The following CDYL2 variants were observed in gnomAD, a reference collection of about 807,000 sequenced individuals.
CDYL2 encodes chromodomain Y-like protein 2.
CDYL2 carries 23 observed loss-of-function variants against 49.4 expected under a neutral mutation model. That is an observed-to-expected ratio of 0.47 (90% CI 0.34 to 0.66). The LOEUF is 0.66. Among genes scored for constraint, CDYL2 ranks in the 30% least tolerant of loss-of-function variants. The pLI is 0.01. For missense variants in CDYL2, 678 were observed against 656.4 expected, an observed-to-expected ratio of 1.03 and a Z score of -0.36; for synonymous variants, 360 against 268.8, an observed-to-expected ratio of 1.34 and a Z score of -3.32.
chr16:80,725,285 TTCCCTGACA>T (rs776324110), intron 1 of CDYL2, among the ~76,000 whole-genome samples: 1 of 152,206 alleles, frequency 6.6e-6, no homozygotes, highest in Non-Finnish European at 1.5e-5. Context: ...TTGGAGCATC[TTCCCTGACA>T]TCCCTGACAT....
chr16:80,768,847 G>C (rs1428387438), intron 1 of CDYL2, among the ~76,000 whole-genome samples: 1 of 152,138 alleles, frequency 6.6e-6, no homozygotes, highest in East Asian at 1.9e-4. Flanking sequence ...ATTTGTAAAA[G>C]ATGCTTTAGG....
chr16:80,762,858 G>A (rs546166584), intron 1 of CDYL2, among the ~76,000 whole-genome samples: 1 of 152,258 alleles, frequency 6.6e-6, no homozygotes, highest in African/African-American at 2.4e-5. Context: ...ATGTGCCTAA[G>A]GACAGAATGT....
intron 2 of CDYL2, among the ~76,000 whole-genome samples, chr16:80,661,087 T>C (rs1481672119): frequency 6.6e-6 from 1 of 152,168 alleles, no homozygotes; most frequent in Non-Finnish European, 1.5e-5. Context: ...CAGCCACTCC[T>C]GGCAGGGCAC....
At chr16:80,728,213 A>G (rs1172208619) in intron 1 of CDYL2, among the ~76,000 whole-genome samples, 2 of 152,058 alleles carry the variant, frequency 1.3e-5, no homozygotes, top group Non-Finnish European at 2.9e-5. Flanking sequence ...AATTTAGACG[A>G]ATGTATAACT....
chr16:80,611,259 G>A (rs1178529069), intron 5 of CDYL2, among the ~76,000 whole-genome samples: 2 of 152,182 alleles, frequency 1.3e-5, no homozygotes, highest in African/African-American at 2.4e-5. Context: ...CGGGCACTTA[G>A]TGGATTTGCA....
intron 2 of CDYL2, among the ~76,000 whole-genome samples, chr16:80,644,400 C>A (rs1908241224): frequency 6.6e-6 from 1 of 152,232 alleles, no homozygotes; most frequent in African/African-American, 2.4e-5. Flanking sequence ...CCAATCTCTG[C>A]CTGTTACCCA....
upstream of CDYL2, among the ~76,000 whole-genome samples, chr16:80,804,912 C>T (rs1237664106): frequency 6.6e-6 from 1 of 152,012 alleles, no homozygotes; most frequent in African/African-American, 2.4e-5. Context: ...CCTCCTCCAC[C>T]CTCGAGGGGA....
chr16:80,733,629 G>A (rs8044056), intron 1 of CDYL2, among the ~76,000 whole-genome samples: 4 of 152,040 alleles, frequency 2.6e-5, no homozygotes, highest in African/African-American at 9.7e-5. Flanking sequence ...GTGCCTCTTC[G>A]CAAGTGCTTT....
chr16:80,613,794 C>T (rs1330085609), intron 4 of CDYL2, among the ~76,000 whole-genome samples: 1 of 152,148 alleles, frequency 6.6e-6, no homozygotes, highest in Non-Finnish European at 1.5e-5. Flanking sequence ...CTGCATCCTT[C>T]GTTACTTTCA....
chr16:80,606,919 G>A (rs996219346), intron 6 of CDYL2, among the ~76,000 whole-genome samples: 5 of 152,166 alleles, frequency 3.3e-5, no homozygotes, highest in African/African-American at 4.8e-5. Context: ...GGCCTCCCCA[G>A]CCACATGGAA....
chr16:80,796,959 T>C (rs1200090839), intron 1 of CDYL2, among the ~76,000 whole-genome samples: 3 of 152,168 alleles, frequency 2.0e-5, no homozygotes, highest in Non-Finnish European at 4.4e-5. Context: ...CCCCTCCTTC[T>C]TAAAATGCAA....
chr16:80,722,342 G>T (rs537176168), intron 1 of CDYL2, among the ~76,000 whole-genome samples: 97 of 152,216 alleles, frequency 6.4e-4, no homozygotes, highest in African/African-American at 2.1e-3. Flanking sequence ...TTATTCAGAG[G>T]TACATAAAAT....
intron 2 of CDYL2, among the ~76,000 whole-genome samples, chr16:80,653,241 G>C (rs192753700): frequency 1.4e-3 from 208 of 152,302 alleles, no homozygotes; most frequent in Non-Finnish European, 2.4e-3. Flanking sequence ...CAAGGCAGGC[G>C]GATCACCTGA....
intron 2 of CDYL2, among the ~76,000 whole-genome samples, chr16:80,658,277 A>G (rs139661018): frequency 6.6e-6 from 1 of 152,308 alleles, no homozygotes; most frequent in African/African-American, 2.4e-5. Context: ...AAGATATAAA[A>G]TAAAAGCAAT....
In CDYL2 at chr16:80,647,790, A is replaced by T. The variant is rs576749538; in HGVS notation, c.617-14554T>A. On this transcript the variant is annotated intron_variant, in intron 2 of 6. Transcript: ENST00000570137. ...AGGCTACATTTTAATTCACAAAACA[A>T]GTCTTAAAACATTAATAAATGGAAA... 3.7e-3 allele frequency among the ~76,000 whole-genome samples: 560 copies of T among 152,334 alleles called. 1 individual carries two copies. The highest frequency in any genetic ancestry group is 0.017 in the Middle Eastern group (5 of 294).
chr16:80,734,858 G>A (rs1354562779), intron 1 of CDYL2, among the ~76,000 whole-genome samples: 1 of 152,076 alleles, frequency 6.6e-6, no homozygotes, highest in Admixed American at 6.6e-5. Context: ...AGTCATAATG[G>A]ACCTGCCACC....
At chr16:80,737,307 T>G (rs1376515564) in intron 1 of CDYL2, among the ~76,000 whole-genome samples, 1 of 152,198 alleles carries the variant, frequency 6.6e-6, no homozygotes, top group East Asian at 1.9e-4. Flanking sequence ...TTACTTAATG[T>G]GCTGCTCTGT....
chr16:80,741,822 G>A (rs1170497774), intron 1 of CDYL2, among the ~76,000 whole-genome samples: 2 of 152,202 alleles, frequency 1.3e-5, no homozygotes, highest in East Asian at 3.8e-4. Flanking sequence ...CTCATACGGG[G>A]GAGCTGTTAA....
intron 2 of CDYL2, among the ~76,000 whole-genome samples, chr16:80,649,690 G>C (rs1908502960): frequency 6.6e-6 from 1 of 152,092 alleles, no homozygotes. Flanking sequence ...AAAATTGCAG[G>C]AATCACATTA....
Sources: allele counts gnomAD v4.1 joint callset (sites outside exome capture counted in the v4.1 genomes callset), GRCh38; gene constraint gnomAD v4.1.1; transcripts MANE v1.5; gene names NCBI Gene and HGNC (gene_info 2026-07-23, HGNC 2026-07-21).